Variants in LRP8 observed in about 807,000 individuals in gnomAD.
The protein encoded by LRP8 is LDL receptor related protein 8, also known as low-density lipoprotein receptor-related protein 8.
LRP8 carries 46 observed loss-of-function variants against 111.6 expected under a neutral mutation model. The observed-to-expected ratio is 0.41, with a 90% CI of 0.33 to 0.53. The LOEUF is 0.53. LRP8 is among the 20% of genes least tolerant of loss of function. The pLI, the probability that LRP8 is intolerant of heterozygous loss-of-function variation, is 0.20. For synonymous variants in LRP8, 464 were observed against 511.2 expected (o/e 0.91, Z 1.24); for missense variants, 959 against 1,297.4 (o/e 0.74, Z 4.01).
Position 53,266,614 on chromosome 1 carries a change from C to T in LRP8, c.1286G>A (p.Arg429Gln), listed in dbSNP as rs201546988. The change falls in exon 9 of 19, where the codon CGG (arginine) becomes CAG (glutamine). Residue 429 changes from arginine to glutamine, a missense_variant. By Grantham distance (43) the Arg-to-Gln change is conservative. Around this residue, in one of 3 missense-constraint regions of LRP8, gnomAD observed 819 missense variants for 1,097.6 expected, o/e 0.75. Coordinates refer to ENST00000306052, the MANE Select transcript of LRP8 (RefSeq NM_004631.5). This position sits in a 1 kb window ranked among gnomAD's most constrained non-coding sequence, Gnocchi z 5.0. ...GKSPSLIFTN[R>Q]HEVRRIDLVK... ...CAGGTCGATCCTCCGCACCTCGTGC[C>T]GGTTGGTGAAGATTAGGGATGGGCT... 238 of 1,613,916 alleles carry T rather than the reference C, an allele frequency of 1.5e-4. 1 individual carries two copies. The highest frequency in any genetic ancestry group is 3.3e-5 in the Non-Finnish European group (39 of 1,180,014).
intron 8 of LRP8, chr1:53,268,421 T>C (rs1646653973): frequency 6.6e-6 from 1 of 152,254 alleles, no homozygotes; most frequent in Non-Finnish European, 1.5e-5. Context: ...ATCTGTGTCA[T>C]GTATTACATG....
intron 2 of LRP8, among the ~76,000 whole-genome samples, chr1:53,310,533 C>T (rs1652797939): frequency 6.6e-6 from 1 of 152,096 alleles, no homozygotes; most frequent in Non-Finnish European, 1.5e-5. Flanking sequence ...TTACTGACAA[C>T]CCAGAGGTTA....
At chr1:53,313,135 C>T (rs1171387687) in intron 2 of LRP8, among the ~76,000 whole-genome samples, 2 of 152,186 alleles carry the variant, frequency 1.3e-5, no homozygotes, top group East Asian at 1.9e-4. Flanking sequence ...CCCTTCACAG[C>T]AGAGGAAGCT....
In LRP8 at chr1:53,271,262, G is replaced by A. The variant is rs755867850; in HGVS notation, c.1091C>T (p.Ala364Val). 3.7e-6 allele frequency: 6 copies of A among 1,613,978 alleles called. No homozygotes were observed. In the Admixed American group the frequency reaches 8.3e-5, roughly 22 times the overall value. ...CTTCTGGTCCAGGAGCTGGAAGCCT[G>A]CTGGGCACGTGCATTCAAAGCCAAT... ...LKIGFECTCP[A>V]GFQLLDQKTC... Residue 364 changes from alanine (A) to valine (V), a missense_variant, in exon 7 of 19, where the codon GCA (alanine) becomes GTA (valine). Around this residue, in one of 3 missense-constraint regions of LRP8, gnomAD observed 819 missense variants for 1,097.6 expected, o/e 0.75. Transcript: ENST00000306052.
chr1:53,288,965 G>A (rs1459690180), intron 3 of LRP8, among the ~76,000 whole-genome samples: 1 of 152,130 alleles, frequency 6.6e-6, no homozygotes, highest in Non-Finnish European at 1.5e-5. Context: ...ACCTCCCCCT[G>A]CCTGCCTCTG....
rs576553828 is a variant in LRP8 at position 53,256,431 on chromosome 1, T to C, written c.2434+809A>G. On this transcript the variant is annotated intron_variant, in intron 15 of 18. Coordinates refer to ENST00000306052, the MANE Select transcript of LRP8 (RefSeq NM_004631.5). Reference sequence around the variant, plus strand: ...GCTGGTGAGAGGCTCTGCCCTCAGATGAGAGGAACTGGAATTCACACATGC... The same window carrying C: ...GCTGGTGAGAGGCTCTGCCCTCAGACGAGAGGAACTGGAATTCACACATGC... 3.2e-4 allele frequency among the ~76,000 whole-genome samples: 49 copies of C among 152,332 alleles called. 2 individuals carry two copies. The South Asian group carries it at 9.9e-3, about 31-fold the overall frequency.
At chr1:53,272,458 G>T in intron 6 of LRP8, 1 of 656,206 alleles carries the variant, frequency 1.5e-6, no homozygotes, top group Non-Finnish European at 2.3e-6. Flanking sequence ...CTCATGCACT[G>T]CCACTCCAGC....
Position 53,255,144 on chromosome 1 carries a change from C to T in LRP8, c.2476G>A (p.Ala826Thr), listed in dbSNP as rs554832808. Reference sequence around the variant, plus strand: ...ATGGGCACGATGATCCCGATAACAGCGGCAGTGACTGTTGAGCCCATCTTA... The same window carrying T: ...ATGGGCACGATGATCCCGATAACAGTGGCAGTGACTGTTGAGCCCATCTTA... ...DSKMGSTVTAAVIGIIVPIVV... is the reference protein window; with the variant it reads ...DSKMGSTVTATVIGIIVPIVV... The change falls in exon 16 of 19, where the codon GCT becomes ACT. Residue 826 changes from alanine to threonine, a missense_variant. Coordinates refer to ENST00000306052, the MANE Select transcript of LRP8 (RefSeq NM_004631.5). The T allele has an allele frequency of 1.6e-5, 26 of 1,613,760 alleles. No homozygotes were observed. The highest frequency in any genetic ancestry group is 6.6e-5 in the South Asian group (6 of 91,082).
At chr1:53,270,465 A>G (rs1468934912) in intron 8 of LRP8, among the ~76,000 whole-genome samples, 1 of 152,158 alleles carries the variant, frequency 6.6e-6, no homozygotes. Flanking sequence ...GTAACGAGTG[A>G]TGGCACCATT....
chr1:53,262,231 T>A lies in LRP8; in HGVS notation c.1775-24A>T. On this transcript the variant is annotated intron_variant, in intron 11 of 18. Coordinates refer to ENST00000306052, the MANE Select transcript of LRP8 (RefSeq NM_004631.5). This position sits in a 1 kb window ranked among gnomAD's most constrained non-coding sequence, Gnocchi z 4.8. ...ATCTTGGGAAGGAAGCAGGATCAGGTCATGAACCTGGGACCCCAGTCTGGA... is the reference window on the plus strand; with the variant it reads ...ATCTTGGGAAGGAAGCAGGATCAGGACATGAACCTGGGACCCCAGTCTGGA... 1 of 1,612,016 alleles carries A rather than the reference T, an allele frequency of 6.2e-7. No homozygotes were observed. Among genetic ancestry groups the A allele is most frequent in the South Asian group, 1.1e-5 (1 of 90,980 alleles).
chr1:53,307,997 A>T (rs962749884), intron 2 of LRP8, among the ~76,000 whole-genome samples: 1 of 152,108 alleles, frequency 6.6e-6, no homozygotes, highest in Non-Finnish European at 1.5e-5. Flanking sequence ...TGCTCCTATG[A>T]CCCAGGACAG....
At position 53,275,770 on chromosome 1, in the gene LRP8, A is replaced by AG. The variant is rs1646898033; in HGVS notation, c.884-18dup. The AG allele has an allele frequency of 1.2e-6, 2 of 1,613,446 alleles. No individual in the cohort carries two copies. Among genetic ancestry groups the AG allele is most frequent in the African/African-American group, 1.3e-5 (1 of 75,036 alleles). On this transcript the variant is annotated splice_polypyrimidine_tract_variant and intron_variant, in intron 5 of 18. Coordinates refer to ENST00000306052, the MANE Select transcript of LRP8 (RefSeq NM_004631.5). The surrounding 1 kb of genome is among the most constrained non-coding windows in gnomAD (Gnocchi z 4.4). ...TGCCCAGTGCTGCCAGGAGAGGGCA[A>AG]GGGGAGAGGATCAGAGTCAGTGTGG...
Position 53,262,123 on chromosome 1 carries a change from G to A in LRP8, c.1859C>T (p.Thr620Met), listed in dbSNP as rs769545665. 18 of 1,614,052 alleles carry A rather than the reference G, an allele frequency of 1.1e-5. No individual in the cohort carries two copies. Among genetic ancestry groups the A allele is most frequent in the South Asian group, 3.3e-5 (3 of 91,086 alleles). Residue 620 changes from threonine (T) to methionine (M), a missense_variant, in exon 12 of 19, where the codon ACG (threonine) becomes ATG (methionine). Thr to Met is a moderately conservative substitution (Grantham distance 81, BLOSUM62 -1). Coordinates refer to ENST00000306052, the MANE Select transcript of LRP8 (RefSeq NM_004631.5). The surrounding 1 kb of genome is among the most constrained non-coding windows in gnomAD (Gnocchi z 4.8). ...SIDFSGGNRK[T>M]LISSTDFLSH... is the part of the protein sequence containing the mutation. Reference sequence around the variant, plus strand: ...CAGGAAGTCAGTGGAGGAGATCAGCGTCTTTCTGTTGCCTCCACTGAAGTC... The same window carrying A: ...CAGGAAGTCAGTGGAGGAGATCAGCATCTTTCTGTTGCCTCCACTGAAGTC...
intron 2 of LRP8, among the ~76,000 whole-genome samples, chr1:53,297,289 C>T (rs981526760): frequency 4.6e-5 from 7 of 152,322 alleles, no homozygotes; most frequent in South Asian, 2.1e-4. Flanking sequence ...CGATAAGCTG[C>T]GGATGGCAGC....
intron 2 of LRP8, among the ~76,000 whole-genome samples, chr1:53,295,304 G>A (rs965519419): frequency 3.3e-5 from 5 of 152,186 alleles, no homozygotes; most frequent in Non-Finnish European, 5.9e-5. Context: ...ATGGAGGAGC[G>A]AGCAGAGTGA....
intron 2 of LRP8, among the ~76,000 whole-genome samples, chr1:53,312,210 T>TG (rs1653127934): frequency 6.6e-6 from 1 of 152,074 alleles, no homozygotes; most frequent in Admixed American, 6.5e-5. Flanking sequence ...GTCACACAGC[T>TG]GGGCTAGAGG....
Position 53,293,656 on chromosome 1 carries a change from T to A in LRP8, c.245-3967A>T, listed in dbSNP as rs1409570268. ...GAGTCCTCAAATGTACTGAAACATC[T>A]CTCAGGTCTCCTGGAATGTGCCCAG... On this transcript the variant is annotated intron_variant, in intron 2 of 18. Transcript: ENST00000306052. The surrounding 1 kb of genome is among the most constrained non-coding windows in gnomAD (Gnocchi z 4.9). Among the ~76,000 whole-genome samples, 1 of 152,168 alleles carries A rather than the reference T, an allele frequency of 6.6e-6. No homozygotes were observed. Among genetic ancestry groups the A allele is most frequent in the East Asian group, 1.9e-4 (1 of 5,194 alleles).
intron 8 of LRP8, among the ~76,000 whole-genome samples, chr1:53,269,140 C>T (rs902321527): frequency 2.6e-5 from 4 of 152,324 alleles, no homozygotes; most frequent in Admixed American, 2.6e-4. Context: ...TTCATCTCTT[C>T]CTAGTTTCCT....
At position 53,271,164 on chromosome 1, in the gene LRP8, G is replaced by C. The variant is rs538521458; in HGVS notation, c.1127-11C>G. 1.2e-6 allele frequency: 2 copies of C among 1,613,988 alleles called. No individual in the cohort carries two copies. The highest frequency in any genetic ancestry group is 1.7e-5 in the Admixed American group (1 of 60,002). On this transcript the variant is annotated splice_polypyrimidine_tract_variant and intron_variant, in intron 7 of 18. Coordinates refer to ENST00000306052, the MANE Select transcript of LRP8 (RefSeq NM_004631.5). ...TGCACTCATCAATGTCTGTGGGGAG[G>C]AGCAGGAGTCAGAACCAGCAGGAGG...
Sources: allele counts gnomAD v4.1 joint callset (sites outside exome capture counted in the v4.1 genomes callset), GRCh38; gene constraint gnomAD v4.1.1; regional missense constraint gnomAD v4.1.1; non-coding constraint Gnocchi (gnomAD v3.1); transcripts MANE v1.5; gene names NCBI Gene and HGNC (gene_info 2026-07-23, HGNC 2026-07-21).